Variants in GRM5 observed in about 807,000 individuals in gnomAD.
GRM5 encodes metabotropic glutamate receptor 5.
GRM5 carries 19 observed loss-of-function variants against 83.1 expected under a neutral mutation model. That is an observed-to-expected ratio of 0.23 (90% CI 0.16 to 0.34). GRM5 has a LOEUF of 0.34. Ranked by LOEUF, GRM5 falls within the 10% of genes least tolerant of loss-of-function variation. GRM5 has a pLI of 1.00. For missense variants in GRM5, 1,160 were observed against 1,588.3 expected (o/e 0.73, Z 4.58); for synonymous variants, 675 against 633.6 (o/e 1.07, Z -0.98).
Position 88,506,653 on chromosome 11 carries a change from T to C in GRM5, c.*1939A>G, listed in dbSNP as rs1423656108. The C allele has an allele frequency of 6.6e-6, 1 of 152,232 alleles. No homozygotes were observed. The highest frequency in any genetic ancestry group is 6.5e-5 in the Admixed American group (1 of 15,286). The allele number at this position is 152,232 out of a possible 1,614,324, so 9.4% of individuals were successfully genotyped here. A position where few individuals can be genotyped will look rare whatever the true frequency, so the allele number is the denominator to read the frequency against. On this transcript the variant is annotated 3_prime_UTR_variant, in exon 10 of 10. Transcript: ENST00000305447. ...GATTTCTTTTAAATTAATACTTTAG[T>C]ACATTAATGTTAGCTTTTAATGTTT...
intron 3 of GRM5, among the ~76,000 whole-genome samples, chr11:88,672,327 A>C (rs1940215441): frequency 6.6e-6 from 1 of 151,998 alleles, no homozygotes; most frequent in South Asian, 2.1e-4. Context: ...AGCCTAAGTC[A>C]AATTTGATGA....
chr11:88,788,608 G>T (rs752706283), intron 3 of GRM5, among the ~76,000 whole-genome samples: 2 of 152,058 alleles, frequency 1.3e-5, no homozygotes, highest in Non-Finnish European at 2.9e-5. Context: ...GGCTCTAAAA[G>T]TTGTAAGGAT....
At chr11:88,813,053 C>T (rs549149135) in intron 3 of GRM5, among the ~76,000 whole-genome samples, 28 of 151,948 alleles carry the variant, frequency 1.8e-4, no homozygotes, top group Non-Finnish European at 2.1e-4. Flanking sequence ...GTTTTAACTC[C>T]GGGGAAGATT....
In GRM5 at chr11:88,506,411, T is replaced by C. The variant is rs552098600; in HGVS notation, c.*2181A>G. On this transcript the variant is annotated 3_prime_UTR_variant, in exon 10 of 10. Coordinates refer to ENST00000305447, the MANE Select transcript of GRM5 (RefSeq NM_001143831.3). ...GTTTTTAATACCTAAGAAGTCAAGA[T>C]AGGAATCCTCAGGTGAATGCCATCC... The C allele has an allele frequency of 6.6e-6, 1 of 152,320 alleles. No homozygotes were observed. Among genetic ancestry groups the C allele is most frequent in the African/African-American group, 2.4e-5 (1 of 41,574 alleles). 9.4% of individuals were successfully genotyped at this position (152,320 alleles called of 1,614,324 possible).
At chr11:88,603,775 G>A (rs1235424835) in intron 5 of GRM5, among the ~76,000 whole-genome samples, 1 of 152,188 alleles carries the variant, frequency 6.6e-6, no homozygotes, top group East Asian at 1.9e-4. Flanking sequence ...GATAAACCAA[G>A]GTTGCTGACA....
intron 2 of GRM5, among the ~76,000 whole-genome samples, chr11:88,879,137 AG>A (rs1341627875): frequency 6.6e-6 from 1 of 152,144 alleles, no homozygotes; most frequent in Non-Finnish European, 1.5e-5. Context: ...ATAAAATGTG[AG>A]GAAAAATTTT....
intron 3 of GRM5, among the ~76,000 whole-genome samples, chr11:88,727,129 T>C (rs974656898): frequency 6.6e-6 from 1 of 152,208 alleles, no homozygotes; most frequent in African/African-American, 2.4e-5. Context: ...ATCAGTGTGC[T>C]GTATTCAGGA....
chr11:88,701,959 C>T (rs1316371353), intron 3 of GRM5, among the ~76,000 whole-genome samples: 1 of 151,996 alleles, frequency 6.6e-6, no homozygotes, highest in Non-Finnish European at 1.5e-5. Context: ...TTGTTAGTCT[C>T]ATGATCTCTA....
intron 3 of GRM5, among the ~76,000 whole-genome samples, chr11:88,747,512 T>C (rs1200772503): frequency 2.6e-5 from 4 of 152,100 alleles, no homozygotes; most frequent in African/African-American, 9.7e-5. Flanking sequence ...TTAAAAAGCC[T>C]CTCTAGATGA....
At chr11:88,658,466 G>A (rs374869065) in intron 3 of GRM5, among the ~76,000 whole-genome samples, 12 of 152,268 alleles carry the variant, frequency 7.9e-5, no homozygotes, top group African/African-American at 2.9e-4. Flanking sequence ...CAGCATCACT[G>A]TGTGTTGAAA....
chr11:88,646,467 T>G (rs529400723), intron 4 of GRM5, among the ~76,000 whole-genome samples: 74 of 144,830 alleles, frequency 5.1e-4, no homozygotes, highest in African/African-American at 1.8e-3. Context: ...TAGTAATATT[T>G]AGATTTAAGT....
chr11:88,936,294 C>T (rs1284352320), intron 2 of GRM5, among the ~76,000 whole-genome samples: 1 of 151,874 alleles, frequency 6.6e-6, no homozygotes, highest in South Asian at 2.1e-4. Flanking sequence ...CTAGAATTGG[C>T]AAGAAGTCAA....
intron 3 of GRM5, among the ~76,000 whole-genome samples, chr11:88,834,116 G>T (rs536534624): frequency 3.9e-5 from 6 of 152,148 alleles, no homozygotes; most frequent in African/African-American, 1.4e-4. Flanking sequence ...GAGAGAACTT[G>T]ATATGTTCCC....
intron 8 of GRM5, among the ~76,000 whole-genome samples, chr11:88,531,804 A>T (rs578171200): frequency 1.3e-5 from 2 of 152,196 alleles, no homozygotes; most frequent in East Asian, 3.9e-4. Flanking sequence ...TCCAATAGAT[A>T]AAATTGTCTT....
At chr11:88,857,780 G>T (rs1388439018) in intron 2 of GRM5, among the ~76,000 whole-genome samples, 1 of 151,970 alleles carries the variant, frequency 6.6e-6, no homozygotes, top group Admixed American at 6.6e-5. Context: ...AATAAAGAAG[G>T]AAGTTAAATG....
At chr11:89,020,553 T>C (rs1435407579) in intron 2 of GRM5, among the ~76,000 whole-genome samples, 1 of 152,198 alleles carries the variant, frequency 6.6e-6, no homozygotes, top group East Asian at 1.9e-4. Flanking sequence ...AGCCAAATTA[T>C]GGCCATGATG....
At chr11:89,037,605 G>T (rs1232336463) in intron 2 of GRM5, among the ~76,000 whole-genome samples, 2 of 151,984 alleles carry the variant, frequency 1.3e-5, no homozygotes, top group Non-Finnish European at 2.9e-5. Flanking sequence ...AGGGACTTTG[G>T]ACAAGTAAAT....
At chr11:88,646,890 C>T (rs910774371) in intron 4 of GRM5, among the ~76,000 whole-genome samples, 25 of 65,796 alleles carry the variant, frequency 3.8e-4, no homozygotes, top group Admixed American at 7.9e-4. Flanking sequence ...TCTAAGGTTG[C>T]CATTACAAAA....
intron 3 of GRM5, among the ~76,000 whole-genome samples, chr11:88,685,560 G>A (rs1455966658): frequency 6.6e-6 from 1 of 152,176 alleles, no homozygotes; most frequent in Non-Finnish European, 1.5e-5. Context: ...ATGTCTCCAA[G>A]GCATGTCAGA....
Sources: allele counts gnomAD v4.1 joint callset (sites outside exome capture counted in the v4.1 genomes callset), GRCh38; gene constraint gnomAD v4.1.1; transcripts MANE v1.5; gene names NCBI Gene and HGNC (gene_info 2026-07-23, HGNC 2026-07-21).